Variants in VAT1L observed in about 807,000 individuals in gnomAD.
VAT1L encodes the protein putative NADPH-dependent quinone oxidoreductase VAT1L.
VAT1L carries 34 observed loss-of-function variants against 44.1 expected under a neutral mutation model. The ratio of observed to expected loss-of-function variants is 0.77; its 90% CI spans 0.59 to 1.03. The LOEUF (loss-of-function observed/expected upper bound fraction) is 1.03. VAT1L is among the 50% of genes least tolerant of loss of function. The probability of loss-of-function intolerance (pLI) is 0.00; values close to 1 mark genes in which losing one functional copy is unlikely to be tolerated. For synonymous variants in VAT1L, 253 were observed against 202.2 expected (o/e 1.25, Z -2.13); for missense variants, 615 against 538.8 (o/e 1.14, Z -1.40).
chr16:77,836,789 C>T (rs538756985), intron 3 of VAT1L, among the ~76,000 whole-genome samples: 47 of 152,180 alleles, frequency 3.1e-4, no homozygotes, highest in Non-Finnish European at 6.0e-4. Flanking sequence ...GACCGTAAAT[C>T]ATGATTGACT....
chr16:77,870,643 C>A (rs995862439), intron 4 of VAT1L, among the ~76,000 whole-genome samples: 1 of 152,194 alleles, frequency 6.6e-6, no homozygotes, highest in Non-Finnish European at 1.5e-5. Flanking sequence ...CTCATATAAT[C>A]CCCGAGCTGG....
At chr16:77,883,732 A>G (rs117111351) in intron 6 of VAT1L, among the ~76,000 whole-genome samples, 5 of 152,054 alleles carry the variant, frequency 3.3e-5, no homozygotes, top group Non-Finnish European at 7.4e-5. Flanking sequence ...TGGCCTCATC[A>G]TTTCTTCATG....
intron 7 of VAT1L, among the ~76,000 whole-genome samples, chr16:77,955,115 T>G (rs1159537625): frequency 6.6e-6 from 1 of 152,164 alleles, no homozygotes; most frequent in African/African-American, 2.4e-5. Flanking sequence ...AAATCCCCTG[T>G]GTGCAACATG....
intron 7 of VAT1L, among the ~76,000 whole-genome samples, chr16:77,901,994 C>G (rs2017388558): frequency 6.6e-6 from 1 of 152,166 alleles, no homozygotes. Flanking sequence ...AGCCCAAAGT[C>G]ATTCACCATT....
At chr16:77,860,055 A>C (rs865804873) in intron 3 of VAT1L, among the ~76,000 whole-genome samples, 1 of 152,192 alleles carries the variant, frequency 6.6e-6, no homozygotes, top group Non-Finnish European at 1.5e-5. Flanking sequence ...CATAGAGAGA[A>C]GACGGCGTGG....
chr16:77,968,859 C>T (rs2018250658), intron 7 of VAT1L, among the ~76,000 whole-genome samples: 1 of 152,064 alleles, frequency 6.6e-6, no homozygotes, highest in Admixed American at 6.6e-5. Context: ...CGCTCTGTTG[C>T]CCAGGCGGGA....
intron 7 of VAT1L, among the ~76,000 whole-genome samples, chr16:77,945,652 T>G (rs1236133384): frequency 1.3e-5 from 2 of 152,104 alleles, no homozygotes; most frequent in Non-Finnish European, 2.9e-5. Flanking sequence ...AACAGAGACA[T>G]TTAAAACCAT....
chr16:77,823,160 C>T (rs2016479701), intron 2 of VAT1L, among the ~76,000 whole-genome samples: 1 of 151,840 alleles, frequency 6.6e-6, no homozygotes, highest in Non-Finnish European at 1.5e-5. Flanking sequence ...GGAAAATCCC[C>T]AGGGTTTTGG....
chr16:77,890,670 C>T lies in VAT1L; in HGVS notation c.1077+5868C>T, dbSNP rs142656639. On this transcript the variant is annotated intron_variant, in intron 7 of 8. Transcript: ENST00000302536. ...AGGCGTGGTGGCTCACACCTGTTATCCCAGCACTTTGGGAGGCCAAGGTGG... is the reference window on the plus strand; with the variant it reads ...AGGCGTGGTGGCTCACACCTGTTATTCCAGCACTTTGGGAGGCCAAGGTGG... Among the ~76,000 whole-genome samples the T allele has an allele frequency of 8.3e-3, 1,267 of 152,230 alleles. 3 individuals are homozygous for T. The highest frequency in any genetic ancestry group is 0.013 in the Non-Finnish European group (894 of 68,018).
chr16:77,864,967 CTTTTT>C (rs869037679), intron 4 of VAT1L, among the ~76,000 whole-genome samples: 2 of 95,378 alleles, frequency 2.1e-5, no homozygotes, highest in Non-Finnish European at 3.8e-5. Context: ...TCTTCTTATC[CTTTTT>C]TTTTTTTTTT....
chr16:77,914,567 G>C (rs1382165515), intron 7 of VAT1L, among the ~76,000 whole-genome samples: 1 of 152,174 alleles, frequency 6.6e-6, no homozygotes, highest in African/African-American at 2.4e-5. Flanking sequence ...AATACACCAC[G>C]TATATTACTG....
At chr16:77,874,733 A>G (rs1324073002) in intron 4 of VAT1L, among the ~76,000 whole-genome samples, 2 of 151,704 alleles carry the variant, frequency 1.3e-5, no homozygotes, top group South Asian at 2.1e-4. Flanking sequence ...TTATTGGTGA[A>G]TATCTGCCTC....
At chr16:77,797,856 G>A (rs2145209075) in intron 1 of VAT1L, among the ~76,000 whole-genome samples, 1 of 152,336 alleles carries the variant, frequency 6.6e-6, no homozygotes, top group South Asian at 2.1e-4. Flanking sequence ...TGGCGAGCAT[G>A]TAATCTGAAA....
Position 77,839,535 on chromosome 16 carries a change from C to CTAA in VAT1L, c.579+14074_579+14075insTAA, listed in dbSNP as rs2016680204. 1.4e-3 allele frequency among the ~76,000 whole-genome samples: 69 copies of CTAA among 49,088 alleles called. 1 individual carries two copies. The highest frequency in any genetic ancestry group is 1.8e-3 in the Admixed American group (5 of 2,782). 32.2% of individuals were successfully genotyped at this position (49,088 alleles called of 152,430 possible). A position where few individuals can be genotyped will look rare whatever the true frequency, so the allele number is the denominator to read the frequency against. ...TGGGCGACAGAGAGATACTCCATAT[C>CTAA]AAAAAAAAAAAAAAAAAAAAAAAAA... On this transcript the variant is annotated intron_variant, in intron 3 of 8. Transcript: ENST00000302536.
intron 2 of VAT1L, among the ~76,000 whole-genome samples, chr16:77,817,611 T>C (rs975051791): frequency 6.6e-6 from 1 of 152,208 alleles, no homozygotes; most frequent in Non-Finnish European, 1.5e-5. Context: ...TGGCCATGGA[T>C]TGATGGCTTT....
chr16:77,968,808 T>C (rs1338393655), intron 7 of VAT1L, among the ~76,000 whole-genome samples: 1 of 152,088 alleles, frequency 6.6e-6, no homozygotes, highest in African/African-American at 2.4e-5. Flanking sequence ...TTAATTACTG[T>C]ATTTTGCAAG....
At chr16:77,964,667 G>C (rs1348807305) in intron 7 of VAT1L, among the ~76,000 whole-genome samples, 1 of 151,916 alleles carries the variant, frequency 6.6e-6, no homozygotes, top group East Asian at 1.9e-4. Context: ...GGTTGGGAGT[G>C]TGAGGTCATT....
intron 3 of VAT1L, among the ~76,000 whole-genome samples, chr16:77,828,282 A>G (rs1200912971): frequency 6.6e-6 from 1 of 152,216 alleles, no homozygotes; most frequent in African/African-American, 2.4e-5. Flanking sequence ...AAGGAACTTT[A>G]CAGGTATGAC....
At chr16:77,972,067 A>T in intron 8 of VAT1L, 134 bp downstream of exon 8, 1 of 738,496 alleles carries the variant, frequency 1.4e-6, no homozygotes, top group African/African-American at 1.8e-5. Context: ...GGGTAATCAA[A>T]TGATGTCATA....
Sources: gnomAD v4.1 joint callset for allele counts (sites outside exome capture counted in the v4.1 genomes callset) on GRCh38, gnomAD v4.1.1 for gene constraint, MANE v1.5 for transcripts, NCBI Gene and HGNC (gene_info 2026-07-23, HGNC 2026-07-21) for gene names.